The following PEAK1 variants were observed in gnomAD, a reference collection of about 807,000 sequenced individuals.
The protein encoded by PEAK1 is inactive tyrosine-protein kinase PEAK1.
In PEAK1, 54 loss-of-function variants were observed where a neutral mutation model predicts 124.7. The ratio of observed to expected loss-of-function variants is 0.43; its 90% CI spans 0.35 to 0.54. The LOEUF is 0.54. Among genes scored for constraint, PEAK1 ranks in the 20% least tolerant of loss-of-function variants. The pLI is 0.01. For synonymous variants in PEAK1, 719 were observed against 760.0 expected (o/e 0.95, Z 0.89); for missense variants, 2,046 against 2,134.5 (o/e 0.96, Z 0.82).
At chr15:77,225,629 ATGTGTGTGTGTGTGTG>A (rs146458404) in intron 6 of PEAK1, among the ~76,000 whole-genome samples, 19 of 115,782 alleles carry the variant, frequency 1.6e-4, no homozygotes, top group Non-Finnish European at 2.9e-4. Flanking sequence ...CTTTCTACAG[ATGTGTGTGTGTGTGTG>A]TGTGTGTGTG....
Position 77,109,116 on chromosome 15 carries a change from T to C in PEAK1, c.*5040A>G, listed in dbSNP as rs563961306. The C allele has an allele frequency of 3.9e-5, 6 of 152,304 alleles. No homozygotes were observed. Among genetic ancestry groups the C allele is most frequent in the Non-Finnish European group, 7.3e-5 (5 of 68,038 alleles). The allele number at this position is 152,304 out of a possible 1,614,324, so 9.4% of individuals were successfully genotyped here. ...GAAGGTTTATAAAAACAATTACAAT[T>C]TGTTAAGAAATTTCCCAAGAGTTCT... On this transcript the variant is annotated 3_prime_UTR_variant, in exon 10 of 10. Transcript: ENST00000682557.
At chr15:77,115,392 T>A in intron 9 of PEAK1, 73 bp from the exon 10 acceptor site, 1 of 1,384,436 alleles carries the variant, frequency 7.2e-7, no homozygotes, top group Non-Finnish European at 9.9e-7. Context: ...GAAGATTAAC[T>A]GGAAGGTGAC....
At position 77,114,796 on chromosome 15, in the gene PEAK1, TG is replaced by T. The variant is rs2051208160; in HGVS notation, c.4600del (p.Gln1534LysfsTer19). The part of the protein sequence containing the change: ...LVHYQPGGTA[Q>X]GFGPAEPSPT... ...GCTGGGCTCTGCAGGCCCAAAGCCT[TG>T]GGCAGTCCCCCCAGGCTGGTAGTGG... On this transcript the variant is annotated frameshift_variant, in exon 10 of 10. Coordinates refer to ENST00000682557, the MANE Select transcript of PEAK1 (RefSeq NM_001385026.1). LOFTEE classifies it high-confidence loss of function. The T allele has an allele frequency of 1.2e-6, 2 of 1,613,120 alleles. No individual in the cohort carries two copies. Among genetic ancestry groups the T allele is most frequent in the Non-Finnish European group, 8.5e-7 (1 of 1,179,930 alleles).
chr15:77,221,531 A>T (rs2059390465), intron 6 of PEAK1, among the ~76,000 whole-genome samples: 1 of 152,002 alleles, frequency 6.6e-6, no homozygotes, highest in Admixed American at 6.6e-5. Flanking sequence ...CTGAGAGAAT[A>T]TTTTCTTACA....
intron 2 of PEAK1, among the ~76,000 whole-genome samples, chr15:77,286,911 A>G (rs2062958693): frequency 6.6e-6 from 1 of 152,178 alleles, no homozygotes; most frequent in Non-Finnish European, 1.5e-5. Flanking sequence ...GTGAGTGGTG[A>G]GTTATATAAA....
At chr15:77,276,354 A>G (rs539440137) in intron 5 of PEAK1, among the ~76,000 whole-genome samples, 23 of 152,318 alleles carry the variant, frequency 1.5e-4, no homozygotes, top group African/African-American at 5.3e-4. Flanking sequence ...CAGAAAAACA[A>G]CATTTTCCCT....
chr15:77,405,335 T>C (rs542722131), intron 1 of PEAK1, among the ~76,000 whole-genome samples: 158 of 152,252 alleles, frequency 1.0e-3, no homozygotes, highest in Non-Finnish European at 1.9e-3. Context: ...GATGTATATA[T>C]ACACAAAAAG....
intron 2 of PEAK1, among the ~76,000 whole-genome samples, chr15:77,331,774 C>T (rs1009526673): frequency 4.6e-5 from 7 of 151,900 alleles, no homozygotes; most frequent in East Asian, 2.0e-4. Flanking sequence ...CGTGCCACCG[C>T]GCCCAGCTAA....
chr15:77,148,388 C>G (rs1163980007), intron 8 of PEAK1, among the ~76,000 whole-genome samples: 7 of 152,100 alleles, frequency 4.6e-5, no homozygotes, highest in Non-Finnish European at 7.3e-5. Flanking sequence ...ATTGGCAGAT[C>G]TTAAGGAACT....
intron 1 of PEAK1, among the ~76,000 whole-genome samples, chr15:77,380,360 T>C (rs145718837): frequency 2.0e-5 from 3 of 152,328 alleles, no homozygotes; most frequent in East Asian, 3.9e-4. Context: ...ACTCTGGTGG[T>C]ACTGATCAGT....
Position 77,346,957 on chromosome 15 carries a change from T to A in PEAK1, c.-603+18206A>T, listed in dbSNP as rs2864839. Among the ~76,000 whole-genome samples, 1,179 of 152,162 alleles carry A rather than the reference T, an allele frequency of 7.7e-3. 42 individuals carry two copies. Among genetic ancestry groups the A allele is most frequent in the Admixed American group, 0.06 (910 of 15,288 alleles). Reference sequence around the variant, plus strand: ...AAACGCAGCCATGTAATAAAGTGAGTTGAGAAGCACCAATTTACAGTGAGT... The same window carrying A: ...AAACGCAGCCATGTAATAAAGTGAGATGAGAAGCACCAATTTACAGTGAGT... On this transcript the variant is annotated intron_variant, in intron 2 of 9. Coordinates refer to ENST00000682557, the MANE Select transcript of PEAK1 (RefSeq NM_001385026.1).
chr15:77,199,897 C>G (rs564422150), intron 6 of PEAK1, among the ~76,000 whole-genome samples: 2 of 152,190 alleles, frequency 1.3e-5, no homozygotes, highest in Non-Finnish European at 2.9e-5. Flanking sequence ...CTATTGACTT[C>G]TTTTACAACA....
chr15:77,257,703 T>C (rs1158146959), intron 5 of PEAK1, among the ~76,000 whole-genome samples: 2 of 152,042 alleles, frequency 1.3e-5, no homozygotes, highest in Non-Finnish European at 2.9e-5. Context: ...TGGTAGTTTC[T>C]TTTGCTGTGC....
chr15:77,402,333 A>G (rs1156407685), intron 1 of PEAK1: 3 of 985,278 alleles, frequency 3.0e-6, no homozygotes, highest in Non-Finnish European at 2.4e-6. Flanking sequence ...GATCAAGGGA[A>G]TAAATCAAGG....
At chr15:77,368,276 G>C (rs374092414) in intron 1 of PEAK1, among the ~76,000 whole-genome samples, 1 of 152,092 alleles carries the variant, frequency 6.6e-6, no homozygotes, top group Non-Finnish European at 1.5e-5. Flanking sequence ...AGCAATTTAC[G>C]AGGCCAAGGC....
chr15:77,240,105 A>C (rs545330715), intron 6 of PEAK1, among the ~76,000 whole-genome samples: 1 of 152,338 alleles, frequency 6.6e-6, no homozygotes, highest in Admixed American at 6.5e-5. Flanking sequence ...GAATGCTTAG[A>C]TACTAGCAAA....
At chr15:77,298,955 G>T (rs577671793) in intron 2 of PEAK1, among the ~76,000 whole-genome samples, 8 of 152,240 alleles carry the variant, frequency 5.3e-5, no homozygotes, top group Admixed American at 1.3e-4. Context: ...CCCTCTTGTG[G>T]GTACAAAGTG....
intron 2 of PEAK1, among the ~76,000 whole-genome samples, chr15:77,323,886 C>T (rs1597297110): frequency 1.3e-5 from 2 of 152,300 alleles, no homozygotes; most frequent in South Asian, 4.1e-4. Context: ...TCAAACTATA[C>T]TACAAGGCTA....
intron 6 of PEAK1, among the ~76,000 whole-genome samples, chr15:77,245,803 CTATT>C (rs993499512): frequency 6.6e-6 from 1 of 152,128 alleles, no homozygotes; most frequent in African/African-American, 2.4e-5. Flanking sequence ...TATTTCTGGA[CTATT>C]TATTCTGTTT....
Sources: allele counts gnomAD v4.1 joint callset (sites outside exome capture counted in the v4.1 genomes callset), GRCh38; gene constraint gnomAD v4.1.1; transcripts MANE v1.5; gene names NCBI Gene and HGNC (gene_info 2026-07-23, HGNC 2026-07-21).